ZNF892: variants seen among roughly 807,000 people sequenced by gnomAD.
The protein encoded by ZNF892 is zinc finger protein 892, also known as zinc finger protein 570-like.
the ZNF892 span, among the ~76,000 whole-genome samples, chr2:95,250,326 A>T: frequency 1.3e-5 from 2 of 151,932 alleles, no homozygotes; most frequent in Non-Finnish European, 2.9e-5. Flanking sequence ...CAGTACAGTT[A>T]ATGTTGACAA....
the ZNF892 span, among the ~76,000 whole-genome samples, chr2:95,225,615 A>T: frequency 5.5e-3 from 833 of 152,336 alleles, 7 homozygotes; most frequent in African/African-American, 0.019. Context: ...AAACATTCAA[A>T]CCATAGCATT....
At chr2:95,263,503 A>G in the ZNF892 span, among the ~76,000 whole-genome samples, 1 of 152,216 alleles carries the variant, frequency 6.6e-6, no homozygotes, top group African/African-American at 2.4e-5. Flanking sequence ...TTCACATAAA[A>G]TATTAAATTT....
the ZNF892 span, among the ~76,000 whole-genome samples, chr2:95,261,751 A>T: frequency 6.6e-6 from 1 of 152,260 alleles, no homozygotes; most frequent in East Asian, 1.9e-4. Flanking sequence ...AGGAGGTGGG[A>T]GGGATGCTGT....
the ZNF892 span, among the ~76,000 whole-genome samples, chr2:95,211,924 G>A: frequency 6.6e-6 from 1 of 152,266 alleles, no homozygotes; most frequent in South Asian, 2.1e-4. Flanking sequence ...TGGACTTGTA[G>A]CATCCTTCTT....
the ZNF892 span, among the ~76,000 whole-genome samples, chr2:95,209,853 G>T: frequency 6.6e-6 from 1 of 152,098 alleles, no homozygotes; most frequent in African/African-American, 2.4e-5. Context: ...TACTTGTGCT[G>T]ATCATTCCTG....
At chr2:95,253,488 C>T in the ZNF892 span, among the ~76,000 whole-genome samples, 11 of 152,076 alleles carry the variant, frequency 7.2e-5, no homozygotes, top group East Asian at 1.2e-3. Context: ...TTACTGTAGC[C>T]TTGTAGTATA....
the ZNF892 span, among the ~76,000 whole-genome samples, chr2:95,243,756 C>T: frequency 6.0e-5 from 9 of 149,952 alleles, no homozygotes; most frequent in Admixed American, 3.3e-4. Context: ...CCGCCCCGTC[C>T]GGGAGGTGAG....
chr2:95,250,836 TTTA>T, the ZNF892 span, among the ~76,000 whole-genome samples: 8 of 146,532 alleles, frequency 5.5e-5, no homozygotes, highest in Non-Finnish European at 1.0e-4. Flanking sequence ...TTCACAGTTA[TTTA>T]TTATTTATGT....
the ZNF892 span, among the ~76,000 whole-genome samples, chr2:95,222,297 T>A: frequency 1.6e-4 from 25 of 152,242 alleles, no homozygotes; most frequent in Non-Finnish European, 2.9e-4. Context: ...ATAAAACTAT[T>A]AGAAACATTA....
the ZNF892 span, chr2:95,208,703 C>T: frequency 5.0e-6 from 2 of 398,616 alleles, no homozygotes; most frequent in Non-Finnish European, 8.8e-6. Flanking sequence ...AAGAAAATGA[C>T]GTGACTGCTG....
the ZNF892 span, among the ~76,000 whole-genome samples, chr2:95,245,453 G>A: frequency 3.3e-5 from 3 of 91,020 alleles, no homozygotes; most frequent in Middle Eastern, 4.2e-3. Flanking sequence ...GAGACGGCGG[G>A]GGGGGGGGGG....
chr2:95,232,722 G>T, the ZNF892 span, among the ~76,000 whole-genome samples: 1 of 151,846 alleles, frequency 6.6e-6, no homozygotes, highest in Admixed American at 6.6e-5. Context: ...AACAGGAAAA[G>T]GATTCTATTT....
At chr2:95,213,700 T>C in the ZNF892 span, among the ~76,000 whole-genome samples, 1 of 152,244 alleles carries the variant, frequency 6.6e-6, no homozygotes, top group Non-Finnish European at 1.5e-5. Flanking sequence ...TAATAAGCTT[T>C]GTGGTCATTT....
the ZNF892 span, among the ~76,000 whole-genome samples, chr2:95,239,044 C>T: frequency 6.6e-6 from 1 of 150,688 alleles, no homozygotes; most frequent in Non-Finnish European, 1.5e-5. Flanking sequence ...GAGGCTGAGG[C>T]AGGAGAATCG....
chr2:95,263,582 C>G, the ZNF892 span, among the ~76,000 whole-genome samples: 1 of 152,042 alleles, frequency 6.6e-6, no homozygotes, highest in Admixed American at 6.5e-5. Context: ...GCAAAATCAG[C>G]AAAACCCTGC....
chr2:95,240,496 C>G, the ZNF892 span, among the ~76,000 whole-genome samples: 6 of 152,206 alleles, frequency 3.9e-5, no homozygotes, highest in Non-Finnish European at 8.8e-5. Context: ...GGCCTAGGGT[C>G]CAATACACAA....
the ZNF892 span, among the ~76,000 whole-genome samples, chr2:95,235,929 G>T: frequency 3.9e-5 from 6 of 152,174 alleles, no homozygotes; most frequent in Non-Finnish European, 7.3e-5. Context: ...CCCAGAGGTT[G>T]CAGCTTTAGT....
At chr2:95,260,155 C>T in the ZNF892 span, among the ~76,000 whole-genome samples, 1 of 152,246 alleles carries the variant, frequency 6.6e-6, no homozygotes, top group Admixed American at 6.5e-5. Flanking sequence ...CTGCTTTATG[C>T]TTCTGGTGCT....
At chr2:95,257,289 G>A in the ZNF892 span, among the ~76,000 whole-genome samples, 5 of 152,204 alleles carry the variant, frequency 3.3e-5, no homozygotes, top group Admixed American at 6.5e-5. Flanking sequence ...CCTTCTAACA[G>A]TCAGGACCCT....
Sources: allele counts gnomAD v4.1 joint callset (sites outside exome capture counted in the v4.1 genomes callset), GRCh38; gene constraint gnomAD v4.1.1; transcripts MANE v1.5; gene names NCBI Gene and HGNC (gene_info 2026-07-23, HGNC 2026-07-21).